ZDHHC14: variants seen among roughly 807,000 people sequenced by gnomAD.
ZDHHC14 encodes palmitoyltransferase ZDHHC14.
ZDHHC14 carries 16 observed loss-of-function variants against 47.7 expected under a neutral mutation model. The ratio of observed to expected loss-of-function variants is 0.34; its 90% CI spans 0.23 to 0.51. The LOEUF (loss-of-function observed/expected upper bound fraction) is 0.51. ZDHHC14 is among the 20% of genes least tolerant of loss of function. ZDHHC14 has a pLI of 0.97. For synonymous variants in ZDHHC14, 293 were observed against 278.9 expected, an observed-to-expected ratio of 1.05 and a Z score of -0.50; for missense variants, 515 against 662.5, an observed-to-expected ratio of 0.78 and a Z score of 2.44.
At chr6:157,459,243 C>T (rs191074366) in intron 1 of ZDHHC14, among the ~76,000 whole-genome samples, 17 of 151,950 alleles carry the variant, frequency 1.1e-4, no homozygotes, top group Non-Finnish European at 2.5e-4. Context: ...TGACGTTCAT[C>T]ATAATGTAGA....
chr6:157,401,356 G>A (rs894856938), intron 1 of ZDHHC14, among the ~76,000 whole-genome samples: 1 of 152,174 alleles, frequency 6.6e-6, no homozygotes, highest in South Asian at 2.1e-4. Context: ...ATGTTACTGG[G>A]TATACATACA....
chr6:157,403,869 C>T (rs1777693184), intron 1 of ZDHHC14, among the ~76,000 whole-genome samples: 1 of 152,266 alleles, frequency 6.6e-6, no homozygotes, highest in Non-Finnish European at 1.5e-5. Context: ...GGAGGGCAGA[C>T]CCACTGCGGC....
intron 1 of ZDHHC14, among the ~76,000 whole-genome samples, chr6:157,475,461 C>G (rs1353032203): frequency 1.3e-5 from 2 of 152,038 alleles, no homozygotes; most frequent in Non-Finnish European, 2.9e-5. Flanking sequence ...GCAATATGGA[C>G]ATTTTAACAA....
intron 1 of ZDHHC14, among the ~76,000 whole-genome samples, chr6:157,409,244 T>C (rs2015544): frequency 0.84 from 127,533 of 152,188 alleles, 53,638 homozygotes; most frequent in Middle Eastern, 0.94. Context: ...CCCAGGGGGA[T>C]GTGGGTGTGT....
At chr6:157,415,668 A>G (rs1004687746) in intron 1 of ZDHHC14, among the ~76,000 whole-genome samples, 4 of 152,188 alleles carry the variant, frequency 2.6e-5, no homozygotes, top group African/African-American at 9.7e-5. Context: ...TGAGGTCAGG[A>G]GTTTGAGACC....
rs1397962010 is a variant in ZDHHC14 at position 157,612,799 on chromosome 6, G to T, written c.566-15550G>T. Among the ~76,000 whole-genome samples, 5 of 150,738 alleles carry T rather than the reference G, an allele frequency of 3.3e-5. No individual in the cohort carries two copies. In the East Asian group the frequency reaches 9.7e-4, roughly 29 times the overall value. On this transcript the variant is annotated intron_variant, in intron 3 of 8. Coordinates refer to ENST00000359775, the MANE Select transcript of ZDHHC14 (RefSeq NM_024630.3). The stretch of plus-strand genomic sequence containing the variant: ...AAAAAGAGAATTTGATGCTCCTCTT[G>T]CTGTATCTACCTTCATGTCTCCATC...
chr6:157,616,199 C>A (rs1023477788), intron 3 of ZDHHC14, among the ~76,000 whole-genome samples: 6 of 152,194 alleles, frequency 3.9e-5, no homozygotes, highest in Non-Finnish European at 7.3e-5. Context: ...GGACAAGAGC[C>A]GGCACAGTGC....
At chr6:157,626,189 G>A (rs1029228502) in intron 3 of ZDHHC14, among the ~76,000 whole-genome samples, 2 of 152,126 alleles carry the variant, frequency 1.3e-5, no homozygotes, top group African/African-American at 2.4e-5. Flanking sequence ...GCTGATAGGC[G>A]ATTTTCACTT....
intron 1 of ZDHHC14, among the ~76,000 whole-genome samples, chr6:157,400,267 C>T (rs1224336883): frequency 1.3e-5 from 2 of 152,198 alleles, no homozygotes; most frequent in African/African-American, 2.4e-5. Context: ...GACCCTCTCC[C>T]TGTGTGAGAA....
chr6:157,553,917 T>C (rs750548761), intron 2 of ZDHHC14, among the ~76,000 whole-genome samples: 22 of 151,486 alleles, frequency 1.5e-4, no homozygotes, highest in Non-Finnish European at 3.1e-4. Flanking sequence ...ATGAGTGGAG[T>C]TGTCCCATGA....
chr6:157,460,118 G>A (rs573257275), intron 1 of ZDHHC14, among the ~76,000 whole-genome samples: 40 of 150,564 alleles, frequency 2.7e-4, no homozygotes, highest in Admixed American at 2.0e-3. Context: ...CAGGAGAATC[G>A]CCTGAACCCG....
intron 3 of ZDHHC14, among the ~76,000 whole-genome samples, chr6:157,598,696 A>G (rs931357923): frequency 2.6e-5 from 4 of 152,266 alleles, no homozygotes; most frequent in African/African-American, 4.8e-5. Flanking sequence ...GCTAGTGAGA[A>G]ATAATAGCAT....
At chr6:157,410,996 T>G (rs1777861009) in intron 1 of ZDHHC14, among the ~76,000 whole-genome samples, 1 of 152,168 alleles carries the variant, frequency 6.6e-6, no homozygotes, top group South Asian at 2.1e-4. Flanking sequence ...CGCCTGGCCT[T>G]GATTCCATCT....
chr6:157,529,615 C>T (rs996693717), intron 1 of ZDHHC14, among the ~76,000 whole-genome samples: 6 of 152,186 alleles, frequency 3.9e-5, no homozygotes, highest in Non-Finnish European at 5.9e-5. Flanking sequence ...CCCAAGACTC[C>T]GAGCTTGTCT....
At position 157,510,372 on chromosome 6, in the gene ZDHHC14, A is replaced by T. The variant is rs148233195; in HGVS notation, c.246-32213A>T. Among the ~76,000 whole-genome samples the T allele has an allele frequency of 7.8e-3, 1,189 of 152,310 alleles. 16 individuals carry two copies. Among genetic ancestry groups the T allele is most frequent in the African/African-American group, 0.027 (1,141 of 41,564 alleles). On this transcript the variant is annotated intron_variant, in intron 1 of 8. Transcript: ENST00000359775. ...AAAAGAATGTTCCAGATGCTCATTC[A>T]TCCTCTCACTGACCCCTGCCACACA...
chr6:157,587,361 T>C (rs1783733622), intron 2 of ZDHHC14, among the ~76,000 whole-genome samples: 2 of 152,180 alleles, frequency 1.3e-5, no homozygotes, highest in African/African-American at 2.4e-5. Context: ...ATCTCTTTGT[T>C]CTCTCCTTAT....
At chr6:157,539,888 T>C (rs1411905877) in intron 1 of ZDHHC14, among the ~76,000 whole-genome samples, 2 of 152,204 alleles carry the variant, frequency 1.3e-5, no homozygotes, top group African/African-American at 4.8e-5. Context: ...ATGGCACTGT[T>C]TGCTACTTAA....
chr6:157,503,334 G>A (rs1452639294), intron 1 of ZDHHC14, among the ~76,000 whole-genome samples: 2 of 152,176 alleles, frequency 1.3e-5, no homozygotes, highest in Non-Finnish European at 2.9e-5. Flanking sequence ...CTTGTGAGAG[G>A]AAGGAAGGAT....
intron 1 of ZDHHC14, 63 bp downstream of exon 1, chr6:157,382,329 T>G: frequency 6.4e-7 from 1 of 1,563,748 alleles, no homozygotes; most frequent in Non-Finnish European, 8.6e-7. Context: ...CCCCCGCCCC[T>G]CCTCGGGCTG....
Sources: gnomAD v4.1 joint callset for allele counts (sites outside exome capture counted in the v4.1 genomes callset) on GRCh38, gnomAD v4.1.1 for gene constraint, MANE v1.5 for transcripts, NCBI Gene and HGNC (gene_info 2026-07-23, HGNC 2026-07-21) for gene names.